The following CSMD1 variants were observed in gnomAD, a reference collection of about 807,000 sequenced individuals.
The protein encoded by CSMD1 is CUB and sushi domain-containing protein 1.
Under a neutral mutation model 417.5 loss-of-function variants are expected in CSMD1, and 213 were observed. That is an observed-to-expected ratio of 0.51 (90% CI 0.46 to 0.57). CSMD1 has a LOEUF of 0.57. CSMD1 is among the 20% of genes least tolerant of loss of function. The probability of loss-of-function intolerance (pLI) is 0.00; values close to 1 mark genes in which losing one functional copy is unlikely to be tolerated. For synonymous variants in CSMD1, 2,862 were observed against 1,736.8 expected, an observed-to-expected ratio of 1.65 and a Z score of -16.11; for missense variants, 6,923 against 4,529.7, an observed-to-expected ratio of 1.53 and a Z score of -15.17.
intron 3 of CSMD1, among the ~76,000 whole-genome samples, chr8:4,138,077 TTTTTTTTTTTG>T (rs1731497625): frequency 3.5e-4 from 29 of 83,046 alleles, no homozygotes; most frequent in African/African-American, 1.2e-3. Context: ...TTTTTTTTTT[TTTTTTTTTTTG>T]TATTTTTTAG....
chr8:4,980,863 C>G (rs1026423739), intron 1 of CSMD1, among the ~76,000 whole-genome samples: 2 of 151,666 alleles, frequency 1.3e-5, no homozygotes, highest in African/African-American at 4.9e-5. Flanking sequence ...AAGATCGCAC[C>G]ACTGCACTCC....
At chr8:4,443,479 TTA>T (rs1323250105) in intron 2 of CSMD1, among the ~76,000 whole-genome samples, 2 of 152,248 alleles carry the variant, frequency 1.3e-5, no homozygotes, top group Non-Finnish European at 2.9e-5. Context: ...TCTTTTCATC[TTA>T]TGTGTTTCTT....
rs547457419 is a variant in CSMD1 at position 3,455,228 on chromosome 8, G to C, written c.1561+13484C>G. Among the ~76,000 whole-genome samples, 15 of 152,080 alleles carry C rather than the reference G, an allele frequency of 9.9e-5. 1 individual carries two copies. In the South Asian group the frequency reaches 1.2e-3, roughly 13 times the overall value. The stretch of plus-strand genomic sequence containing the variant: ...AGCCAGTCGTCTAATTTTTTTTCAA[G>C]GTTTTTAACTTCTTTGCCATGGGTT... On this transcript the variant is annotated intron_variant, in intron 12 of 69. Transcript: ENST00000635120.
chr8:4,979,197 A>G (rs1810735952), intron 1 of CSMD1, among the ~76,000 whole-genome samples: 1 of 152,186 alleles, frequency 6.6e-6, no homozygotes, highest in South Asian at 2.1e-4. Flanking sequence ...GACACATCTC[A>G]TAGAACTGAG....
chr8:3,046,044 G>A (rs1002588275), intron 50 of CSMD1, among the ~76,000 whole-genome samples: 1 of 152,096 alleles, frequency 6.6e-6, no homozygotes, highest in Non-Finnish European at 1.5e-5. Context: ...TATCATACCT[G>A]ACTTTTACTT....
chr8:4,720,104 CTT>C (rs1247559963), intron 1 of CSMD1, among the ~76,000 whole-genome samples: 1 of 151,666 alleles, frequency 6.6e-6, no homozygotes, highest in Non-Finnish European at 1.5e-5. Flanking sequence ...AATACCACCT[CTT>C]AATCTGTGGT....
chr8:3,644,406 C>T (rs1012238173), intron 7 of CSMD1, among the ~76,000 whole-genome samples: 4 of 152,152 alleles, frequency 2.6e-5, no homozygotes, highest in African/African-American at 9.7e-5. Flanking sequence ...CTGGAAGCCT[C>T]GCATTTACAG....
chr8:3,442,799 G>A (rs575743416), intron 12 of CSMD1, among the ~76,000 whole-genome samples: 1 of 152,056 alleles, frequency 6.6e-6, no homozygotes, highest in South Asian at 2.1e-4. Context: ...GAATTTTTGT[G>A]TCTATATTTA....
intron 12 of CSMD1, among the ~76,000 whole-genome samples, chr8:3,416,209 G>C (rs1813138160): frequency 1.3e-5 from 2 of 149,254 alleles, no homozygotes; most frequent in African/African-American, 4.9e-5. Flanking sequence ...GGCTGAGGCA[G>C]GAGAATGGTG....
chr8:3,353,156 G>T (rs1028486505), intron 21 of CSMD1, among the ~76,000 whole-genome samples: 1 of 152,198 alleles, frequency 6.6e-6, no homozygotes, highest in Non-Finnish European at 1.5e-5. Flanking sequence ...ACTTGCTTAT[G>T]ACTTTAATAA....
chr8:3,629,343 T>G (rs562511564), intron 7 of CSMD1, among the ~76,000 whole-genome samples: 1 of 152,156 alleles, frequency 6.6e-6, no homozygotes, highest in Non-Finnish European at 1.5e-5. Flanking sequence ...CAGCTGACAT[T>G]CAGATACAGC....
chr8:4,066,322 TCTG>T, intron 3 of CSMD1, among the ~76,000 whole-genome samples: 1 of 152,318 alleles, frequency 6.6e-6, no homozygotes, highest in South Asian at 2.1e-4. Context: ...TTAAAGGTGT[TCTG>T]CTGCCTAGCC....
At chr8:3,694,275 G>A (rs1800424332) in intron 7 of CSMD1, among the ~76,000 whole-genome samples, 1 of 152,014 alleles carries the variant, frequency 6.6e-6, no homozygotes, top group African/African-American at 2.4e-5. Flanking sequence ...CATGCTCAGG[G>A]GTCCACACCT....
chr8:3,725,249 G>T (rs972390279), intron 6 of CSMD1, among the ~76,000 whole-genome samples: 33 of 152,300 alleles, frequency 2.2e-4, no homozygotes, highest in African/African-American at 6.7e-4. Flanking sequence ...CAAGGTGTGG[G>T]TTGAGAGGTA....
Position 4,506,172 on chromosome 8 carries a change from T to C in CSMD1, c.303-86107A>G, listed in dbSNP as rs977926861. Among the ~76,000 whole-genome samples the C allele has an allele frequency of 3.3e-5, 5 of 152,162 alleles. No individual in the cohort carries two copies. In the South Asian group the frequency reaches 8.3e-4, roughly 25 times the overall value. On this transcript the variant is annotated intron_variant, in intron 2 of 69. Coordinates refer to ENST00000635120, the MANE Select transcript of CSMD1 (RefSeq NM_033225.6). ...ATTGGTGCAAAAGTAATTGCGGTTT[T>C]TGCTATTGAAAATAATGGAAAAAAT...
At chr8:4,068,504 C>G (rs1452968519) in intron 3 of CSMD1, among the ~76,000 whole-genome samples, 1 of 152,148 alleles carries the variant, frequency 6.6e-6, no homozygotes, top group Non-Finnish European at 1.5e-5. Flanking sequence ...AGAAACAAAA[C>G]AGGTTTAGTT....
chr8:4,214,230 G>T (rs950015001), intron 3 of CSMD1, among the ~76,000 whole-genome samples: 5 of 152,174 alleles, frequency 3.3e-5, no homozygotes, highest in Non-Finnish European at 7.3e-5. Context: ...GGACTAAAAT[G>T]GAAGTAAGCC....
chr8:3,619,968 G>A (rs1802341865), intron 7 of CSMD1, among the ~76,000 whole-genome samples: 2 of 152,156 alleles, frequency 1.3e-5, no homozygotes, highest in African/African-American at 4.8e-5. Context: ...CAGGCATGGT[G>A]GCAGGCACCT....
rs139583549 is a variant in CSMD1 at position 3,020,150 on chromosome 8, G to A, written c.7856-1500C>T. 7.7e-4 allele frequency among the ~76,000 whole-genome samples: 118 copies of A among 152,304 alleles called. 1 individual carries two copies. The highest frequency in any genetic ancestry group is 2.6e-3 in the African/African-American group (106 of 41,562). ...ACTTGCCAATTTTCTAAGTCTCTGGGCCCTGTTATGGGTTGATAATAGCTC... is the reference window on the plus strand; with the variant it reads ...ACTTGCCAATTTTCTAAGTCTCTGGACCCTGTTATGGGTTGATAATAGCTC... On this transcript the variant is annotated intron_variant, in intron 51 of 69. Transcript: ENST00000635120.
Sources: allele counts gnomAD v4.1 joint callset (sites outside exome capture counted in the v4.1 genomes callset), GRCh38; gene constraint gnomAD v4.1.1; transcripts MANE v1.5; gene names NCBI Gene and HGNC (gene_info 2026-07-23, HGNC 2026-07-21).